Variants in AHSA1 observed in about 807,000 individuals in gnomAD.
AHSA1 encodes the protein activator of 90 kDa heat shock protein ATPase homolog 1.
Under a neutral mutation model 46.1 loss-of-function variants are expected in AHSA1, and 14 were observed. The ratio of observed to expected loss-of-function variants is 0.30; its 90% CI spans 0.20 to 0.47. The LOEUF is 0.47. Ranked by LOEUF, AHSA1 falls within the 20% of genes least tolerant of loss-of-function variation. The pLI is 0.99. For synonymous variants in AHSA1, 147 were observed against 145.8 expected, an observed-to-expected ratio of 1.01 and a Z score of -0.06; for missense variants, 333 against 415.9, an observed-to-expected ratio of 0.80 and a Z score of 1.73.
In AHSA1 at chr14:77,468,049, CTCTTTTTTTTTTTTTT is replaced by C. The variant is rs2079055277; in HGVS notation, c.691-32_691-17del. The C allele has an allele frequency of 2.9e-6, 2 of 680,638 alleles. No individual in the cohort carries two copies. The highest frequency in any genetic ancestry group is 3.8e-5 in the African/African-American group (2 of 52,932). The allele number at this position is 680,638 out of a possible 1,614,324, so 42.2% of individuals were successfully genotyped here. A position where few individuals can be genotyped will look rare whatever the true frequency, so the allele number is the denominator to read the frequency against. ...CCACTGAAAGCCATGTATCTTCTGC[CTCTTTTTTTTTTTTTT>C]TTTTTTTTTCCCTGCAGCTGGTGCA... On this transcript the variant is annotated intron_variant, in intron 6 of 8. Transcript: ENST00000216479.
intron 6 of AHSA1, among the ~76,000 whole-genome samples, chr14:77,467,355 T>C (rs1484089868): frequency 1.3e-5 from 2 of 151,824 alleles, no homozygotes; most frequent in Non-Finnish European, 2.9e-5. Flanking sequence ...GCCATGATCA[T>C]GCCACTGCAC....
chr14:77,460,994 C>CTTA (rs527633389), intron 2 of AHSA1, among the ~76,000 whole-genome samples: 1 of 151,000 alleles, frequency 6.6e-6, no homozygotes, highest in South Asian at 2.1e-4. Context: ...CCCGTCTCTA[C>CTTA]TAAAAATACA....
rs779487519 is a variant in AHSA1 at position 77,468,567 on chromosome 14, T to TTC, written c.844+60_844+61insCT. 21 of 1,463,942 alleles carry TTC rather than the reference T, an allele frequency of 1.4e-5. No individual in the cohort carries two copies. The African/African-American group carries it at 2.1e-4, about 15-fold the overall frequency. The allele number at this position is 1,463,942 out of a possible 1,614,324, so 90.7% of individuals were successfully genotyped here. A position where few individuals can be genotyped will look rare whatever the true frequency, so the allele number is the denominator to read the frequency against. On this transcript the variant is annotated intron_variant, in intron 8 of 8. Coordinates refer to ENST00000216479, the MANE Select transcript of AHSA1 (RefSeq NM_012111.3). ...AACTTTTTCTCTTTGCTGTAATTTT[T>TTC]TTTTTTTTTTTTTTGGAAACAGGGT... is the stretch of plus-strand genomic sequence containing the variant.
chr14:77,469,145 C>G lies in AHSA1; in HGVS notation c.913C>G (p.Arg305Gly). 6.2e-7 allele frequency: 1 copy of G among 1,614,182 alleles called. No individual in the cohort carries two copies. Among genetic ancestry groups the G allele is most frequent in the Non-Finnish European group, 8.5e-7 (1 of 1,180,038 alleles). The change falls in exon 9 of 9, where the codon CGA becomes GGA. Residue 305 changes from arginine (R) to glycine (G), a missense_variant. Arg to Gly is a moderately radical substitution (Grantham distance 125). Transcript: ENST00000216479. ...NGETELCMEGRGIPAPEEERT... is the reference protein window; with the variant it reads ...NGETELCMEGGGIPAPEEERT... ...AGAGACTGAGCTGTGCATGGAAGGT[C>G]GAGGCATCCCTGCTCCTGAGGAAGA...
intron 6 of AHSA1, 31 bp from the exon 7 acceptor site, chr14:77,468,052 T>TG: frequency 3.8e-6 from 1 of 265,722 alleles, no homozygotes; most frequent in Non-Finnish European, 5.0e-6. Flanking sequence ...CTTCTGCCTC[T>TG]TTTTTTTTTT....
intron 2 of AHSA1, among the ~76,000 whole-genome samples, chr14:77,461,423 G>C (rs371678738): frequency 3.5e-4 from 53 of 152,274 alleles, no homozygotes; most frequent in South Asian, 2.3e-3. Context: ...CCAGCTACTT[G>C]GGAGGCTGAA....
At chr14:77,465,727 G>T (rs1487711204) in intron 6 of AHSA1, 60 bp downstream of exon 6, 1 of 1,578,332 alleles carries the variant, frequency 6.3e-7, no homozygotes, top group Non-Finnish European at 8.7e-7. Context: ...ACTTGAGTTG[G>T]GGGCATATCC....
chr14:77,466,963 TC>T (rs1410013805), intron 6 of AHSA1, among the ~76,000 whole-genome samples: 2 of 152,248 alleles, frequency 1.3e-5, no homozygotes, highest in East Asian at 3.8e-4. Flanking sequence ...ATGGGAGGAT[TC>T]CTAACATTTT....
chr14:77,462,381 C>A, intron 3 of AHSA1, 139 bp downstream of exon 3: 1 of 854,026 alleles, frequency 1.2e-6, no homozygotes, highest in Non-Finnish European at 1.8e-6. Flanking sequence ...ATTTTCTAGG[C>A]ATATGGTGCC....
chr14:77,466,666 A>C (rs2079049184), intron 6 of AHSA1, among the ~76,000 whole-genome samples: 1 of 152,238 alleles, frequency 6.6e-6, no homozygotes, highest in Admixed American at 6.5e-5. Context: ...TGGAGAAGCA[A>C]TTAAATGGAC....
At chr14:77,468,399 A>C in intron 7 of AHSA1, 58 bp from the exon 8 acceptor site, 1 of 1,506,518 alleles carries the variant, frequency 6.6e-7, no homozygotes, top group East Asian at 2.3e-5. Context: ...GACTGATCCT[A>C]GCTAGGATTG....
chr14:77,458,440 G>C (rs1050671157), intron 1 of AHSA1, among the ~76,000 whole-genome samples, 171 bp downstream of exon 1: 1 of 152,154 alleles, frequency 6.6e-6, no homozygotes, highest in Non-Finnish European at 1.5e-5. Context: ...TCCACTCCGC[G>C]GTCACCTTCT....
chr14:77,459,883 G>A (rs953961442), intron 2 of AHSA1, 77 bp downstream of exon 2: 1 of 1,532,420 alleles, frequency 6.5e-7, no homozygotes, highest in African/African-American at 1.4e-5. Flanking sequence ...GAACAGTTTT[G>A]AGGAGTTACA....
rs536832556 is a variant in AHSA1, at chr14:77,464,363, G to T, written c.473-235G>T. Among the ~76,000 whole-genome samples the T allele has an allele frequency of 2.9e-4, 44 of 152,028 alleles. 1 individual carries two copies. The highest frequency in any genetic ancestry group is 1.0e-3 in the African/African-American group (43 of 41,458). On this transcript the variant is annotated intron_variant, in intron 4 of 8. Transcript: ENST00000216479. ...GCACTCCAGCCTGGTGACAGAGCAA[G>T]ACTCCATCTCAAAAAAAAAATAATA...
intron 1 of AHSA1, among the ~76,000 whole-genome samples, chr14:77,458,815 G>T (rs2079003253): frequency 6.6e-6 from 1 of 152,220 alleles, no homozygotes; most frequent in Non-Finnish European, 1.5e-5. Context: ...TGGAACTCCA[G>T]GTTGCCGAGC....
chr14:77,461,531 C>CG (rs1004012445), intron 2 of AHSA1, among the ~76,000 whole-genome samples: 22 of 152,032 alleles, frequency 1.4e-4, no homozygotes, highest in South Asian at 8.3e-4. Context: ...CTCTGTCTTG[C>CG]GGGGGGAAAA....
At chr14:77,468,720 G>GTTTTT in intron 8 of AHSA1, 1 of 295,046 alleles carries the variant, frequency 3.4e-6, no homozygotes, top group Non-Finnish European at 5.5e-6. Flanking sequence ...CACCATGCCA[G>GTTTTT]CTTTTTTTTT....
Position 77,469,437 on chromosome 14 carries a change from G to T in AHSA1, c.*188G>T, listed in dbSNP as rs982276978. 1 of 583,284 alleles carries T rather than the reference G, an allele frequency of 1.7e-6. No individual in the cohort carries two copies. The highest frequency in any genetic ancestry group is 1.9e-5 in the African/African-American group (1 of 53,830). The allele number at this position is 583,284 out of a possible 1,614,324, so 36.1% of individuals were successfully genotyped here. A position where few individuals can be genotyped will look rare whatever the true frequency, so the allele number is the denominator to read the frequency against. On this transcript the variant is annotated 3_prime_UTR_variant, in exon 9 of 9. Transcript: ENST00000216479. ...GTTCAGAGGGCAATTTCTCTTTTAT[G>T]TGTACATATGCTAAATAAACATAAT... is the stretch of plus-strand genomic sequence containing the variant.
At chr14:77,468,256 C>T in intron 7 of AHSA1, 72 bp downstream of exon 7, 1 of 1,190,078 alleles carries the variant, frequency 8.4e-7, no homozygotes, top group Non-Finnish European at 1.2e-6. Flanking sequence ...TTTTTCTGAA[C>T]TCTATAGGTA....
Sources: allele counts gnomAD v4.1 joint callset (sites outside exome capture counted in the v4.1 genomes callset), GRCh38; gene constraint gnomAD v4.1.1; transcripts MANE v1.5; gene names NCBI Gene and HGNC (gene_info 2026-07-23, HGNC 2026-07-21).